Variants in MPDZ observed in about 807,000 individuals in gnomAD.
The protein encoded by MPDZ is multiple PDZ domain crumbs cell polarity complex component, also known as multiple PDZ domain protein.
In MPDZ, 234 loss-of-function variants were observed where a neutral mutation model predicts 239.1. The ratio of observed to expected loss-of-function variants is 0.98; its 90% confidence interval spans 0.88 to 1.09. The LOEUF is 1.09. Ranked by LOEUF, MPDZ falls within the 50% of genes least tolerant of loss-of-function variation. The probability of loss-of-function intolerance (pLI) is 0.00; values close to 1 mark genes in which losing one functional copy is unlikely to be tolerated. For missense variants in MPDZ, 3,175 were observed against 2,510.0 expected (o/e 1.26, Z -5.66); for synonymous variants, 1,048 against 881.3 (o/e 1.19, Z -3.35).
chr9:13,229,113 C>T (rs568587839), intron 3 of MPDZ, among the ~76,000 whole-genome samples: 11 of 152,176 alleles, frequency 7.2e-5, no homozygotes, highest in South Asian at 4.1e-4. Context: ...GTTCTATATA[C>T]AATGAAGGTC....
At chr9:13,130,601 TA>T (rs1319909940) in intron 32 of MPDZ, among the ~76,000 whole-genome samples, 3 of 152,226 alleles carry the variant, frequency 2.0e-5, no homozygotes, top group Non-Finnish European at 4.4e-5. Context: ...CAAACATGGT[TA>T]AGTGACAAAT....
intron 36 of MPDZ, among the ~76,000 whole-genome samples, chr9:13,122,755 G>A (rs909281405): frequency 5.3e-5 from 8 of 152,068 alleles, no homozygotes; most frequent in African/African-American, 1.4e-4. Flanking sequence ...GGCCTCAAGT[G>A]ATCCACCTGC....
At chr9:13,276,032 C>T (rs1974111080) in intron 1 of MPDZ, among the ~76,000 whole-genome samples, 2 of 152,200 alleles carry the variant, frequency 1.3e-5, no homozygotes, top group South Asian at 2.1e-4. Context: ...TACTTCACTA[C>T]TTTCCTAGAA....
At chr9:13,154,940 C>T (rs1949642451) in intron 24 of MPDZ, among the ~76,000 whole-genome samples, 2 of 152,094 alleles carry the variant, frequency 1.3e-5, no homozygotes, top group African/African-American at 4.8e-5. Flanking sequence ...GTATAGCAGC[C>T]AGGTGTGGTA....
Position 13,250,613 on chromosome 9 carries a change from T to G in MPDZ, c.-57-241A>C, listed in dbSNP as rs1967692982. Among the ~76,000 whole-genome samples, 6 of 152,280 alleles carry G rather than the reference T, an allele frequency of 3.9e-5. No individual in the cohort carries two copies. The South Asian group carries it at 1.2e-3, about 32-fold the overall frequency. ...TAAGGTAAAAGACATAAATTCTATT[T>G]TAAATAAGGTGGCAGAAGTTTCAAA... is the stretch of plus-strand genomic sequence containing the variant. On this transcript the variant is annotated intron_variant, in intron 1 of 46. Transcript: ENST00000319217.
At chr9:13,177,433 T>G (rs986955833) in intron 19 of MPDZ, among the ~76,000 whole-genome samples, 1 of 152,162 alleles carries the variant, frequency 6.6e-6, no homozygotes, top group African/African-American at 2.4e-5. Context: ...AAATTTTTAA[T>G]GCATTTGCAT....
chr9:13,211,287 A>G (rs1432072800), intron 10 of MPDZ, among the ~76,000 whole-genome samples: 1 of 152,146 alleles, frequency 6.6e-6, no homozygotes, highest in African/African-American at 2.4e-5. Flanking sequence ...ATTAAAAATT[A>G]AAAGGGGCAG....
chr9:13,200,073 G>A (rs1411561482), intron 12 of MPDZ, among the ~76,000 whole-genome samples: 1 of 151,920 alleles, frequency 6.6e-6, no homozygotes, highest in African/African-American at 2.4e-5. Context: ...TGAAGTTTAA[G>A]TCCTGGGATT....
chr9:13,115,819 C>A (rs1167339804), intron 39 of MPDZ, among the ~76,000 whole-genome samples: 2 of 151,902 alleles, frequency 1.3e-5, no homozygotes, highest in Non-Finnish European at 2.9e-5. Flanking sequence ...GTGGCAGGCG[C>A]CTGTAGTCCC....
intron 12 of MPDZ, 36 bp downstream of exon 12, chr9:13,205,000 A>G (rs898039077): frequency 3.1e-6 from 4 of 1,270,894 alleles, no homozygotes; most frequent in Non-Finnish European, 3.1e-6. Context: ...AAAGAAAAAT[A>G]ATGAAGTACA....
intron 26 of MPDZ, among the ~76,000 whole-genome samples, chr9:13,145,619 C>G (rs1459276608): frequency 6.6e-6 from 1 of 151,956 alleles, no homozygotes; most frequent in Admixed American, 6.6e-5. Context: ...AAACATATCT[C>G]ATTTTAAATG....
intron 28 of MPDZ, chr9:13,139,760 G>T: frequency 1.9e-6 from 1 of 525,864 alleles, no homozygotes; most frequent in South Asian, 1.9e-5. Flanking sequence ...CATACAAAAG[G>T]CAGAGTGAGC....
At chr9:13,258,489 C>G (rs570637067) in intron 1 of MPDZ, among the ~76,000 whole-genome samples, 1 of 152,288 alleles carries the variant, frequency 6.6e-6, no homozygotes, top group Non-Finnish European at 1.5e-5. Context: ...TCAGCAGTAC[C>G]TGAAGTAAGC....
chr9:13,156,103 A>C (rs983474973), intron 24 of MPDZ, among the ~76,000 whole-genome samples: 3 of 152,206 alleles, frequency 2.0e-5, no homozygotes, highest in African/African-American at 7.2e-5. Flanking sequence ...ATATAGACAA[A>C]GCCAACCACT....
intron 19 of MPDZ, among the ~76,000 whole-genome samples, chr9:13,182,138 A>C (rs1008934150): frequency 3.3e-5 from 5 of 152,190 alleles, no homozygotes; most frequent in African/African-American, 1.2e-4. Flanking sequence ...AGACCTACGG[A>C]AATTCTACTT....
At chr9:13,254,885 G>T (rs1969043492) in intron 1 of MPDZ, among the ~76,000 whole-genome samples, 1 of 152,188 alleles carries the variant, frequency 6.6e-6, no homozygotes, top group Non-Finnish European at 1.5e-5. Flanking sequence ...TGACTGACGG[G>T]TGGTGGTTGC....
intron 19 of MPDZ, among the ~76,000 whole-genome samples, chr9:13,178,810 C>T (rs1274349438): frequency 3.9e-5 from 6 of 152,154 alleles, no homozygotes; most frequent in Admixed American, 2.0e-4. Flanking sequence ...AATATTTTGT[C>T]GTGCAGAAGT....
chr9:13,220,179 T>C (rs1958916398), intron 7 of MPDZ, among the ~76,000 whole-genome samples: 1 of 151,946 alleles, frequency 6.6e-6, no homozygotes, highest in Non-Finnish European at 1.5e-5. Flanking sequence ...CAAGAAAGCA[T>C]TATATTAATA....
At chr9:13,240,474 A>G (rs903498298) in intron 3 of MPDZ, among the ~76,000 whole-genome samples, 1 of 149,994 alleles carries the variant, frequency 6.7e-6, no homozygotes, top group African/African-American at 2.4e-5. Context: ...GATGATGTTT[A>G]GCTGAAGTGC....
Sources: allele counts gnomAD v4.1 joint callset (sites outside exome capture counted in the v4.1 genomes callset), GRCh38; gene constraint gnomAD v4.1.1; transcripts MANE v1.5; gene names NCBI Gene and HGNC (gene_info 2026-07-23, HGNC 2026-07-21).